Variants in NEDD4L observed in about 807,000 individuals in gnomAD.
The protein encoded by NEDD4L is E3 ubiquitin-protein ligase NEDD4-like.
A neutral mutation model predicts 148.9 loss-of-function variants in NEDD4L; 54 were observed. That is an observed-to-expected ratio of 0.36 (90% CI 0.29 to 0.45). NEDD4L has a LOEUF of 0.45. NEDD4L is among the 20% of genes least tolerant of loss of function. The probability of loss-of-function intolerance (pLI) is 1.00; values close to 1 mark genes in which losing one functional copy is unlikely to be tolerated. For missense variants in NEDD4L, 856 were observed against 1,233.8 expected, an observed-to-expected ratio of 0.69 and a Z score of 4.59; for synonymous variants, 433 against 440.7, an observed-to-expected ratio of 0.98 and a Z score of 0.22.
intron 3 of NEDD4L, among the ~76,000 whole-genome samples, chr18:58,246,188 G>A (rs1444150753): frequency 6.6e-6 from 1 of 152,064 alleles, no homozygotes; most frequent in East Asian, 1.9e-4. Context: ...GCAAAAACAA[G>A]GATTTGTTTT....
At chr18:58,144,747 G>A (rs2033923965) in intron 1 of NEDD4L, among the ~76,000 whole-genome samples, 1 of 152,218 alleles carries the variant, frequency 6.6e-6, no homozygotes, top group Non-Finnish European at 1.5e-5. Context: ...CACAGTTCAT[G>A]TTTTAGTGTG....
At chr18:58,358,734 A>C (rs1415468921) in intron 19 of NEDD4L, among the ~76,000 whole-genome samples, 3 of 152,156 alleles carry the variant, frequency 2.0e-5, no homozygotes, top group Non-Finnish European at 4.4e-5. Flanking sequence ...GGTAGTTATC[A>C]ACTTAGTGTA....
chr18:58,363,964 C>T (rs573809149), intron 19 of NEDD4L, among the ~76,000 whole-genome samples: 8 of 152,326 alleles, frequency 5.3e-5, no homozygotes, highest in Admixed American at 3.3e-4. Context: ...AACACCCTGA[C>T]TCATATTCTG....
At chr18:58,098,040 A>G (rs997025432) in intron 1 of NEDD4L, among the ~76,000 whole-genome samples, 5 of 152,200 alleles carry the variant, frequency 3.3e-5, no homozygotes, top group African/African-American at 1.2e-4. Flanking sequence ...AAATAGCAAC[A>G]AAAACAAAAA....
intron 1 of NEDD4L, among the ~76,000 whole-genome samples, chr18:58,095,164 C>G (rs1359391801): frequency 2.6e-5 from 4 of 152,226 alleles, no homozygotes; most frequent in Admixed American, 6.5e-5. Flanking sequence ...CCAACTCACT[C>G]CGATGTCACT....
chr18:58,124,051 G>T (rs566495023), intron 1 of NEDD4L, among the ~76,000 whole-genome samples: 2 of 152,266 alleles, frequency 1.3e-5, no homozygotes, highest in East Asian at 3.9e-4. Flanking sequence ...TGCCCCTGTT[G>T]TGCCTCACTC....
chr18:58,189,023 C>T (rs1209774647), intron 2 of NEDD4L, among the ~76,000 whole-genome samples: 6 of 152,046 alleles, frequency 3.9e-5, no homozygotes, highest in Non-Finnish European at 7.4e-5. Flanking sequence ...GGGCCCTCAC[C>T]GTGGGCTTTG....
At chr18:58,059,696 C>T (rs951657844) in intron 1 of NEDD4L, among the ~76,000 whole-genome samples, 2 of 152,178 alleles carry the variant, frequency 1.3e-5, no homozygotes, top group Non-Finnish European at 2.9e-5. Context: ...AACAAACTCA[C>T]CTCTTGTGGG....
rs187793609 is a variant in NEDD4L at position 58,401,088 on chromosome 18, A to G, written c.*4819A>G. On this transcript the variant is annotated 3_prime_UTR_variant, in exon 31 of 31. Transcript: ENST00000400345. ...AAGAAAACCCTAGGAAGATGATGTT[A>G]ATTTGCTGTCATTTCCTAATTCAGG... 1 of 152,286 alleles carries G rather than the reference A, an allele frequency of 6.6e-6. No homozygotes were observed. Among genetic ancestry groups the G allele is most frequent in the Non-Finnish European group, 1.5e-5 (1 of 68,024 alleles). 9.4% of individuals were successfully genotyped at this position (152,286 alleles called of 1,614,324 possible).
In NEDD4L at chr18:58,301,377, C is replaced by T. The variant is rs75400019; in HGVS notation, c.298-14605C>T. Among the ~76,000 whole-genome samples the T allele has an allele frequency of 2.2e-4, 33 of 152,286 alleles. 1 individual carries two copies. The East Asian group carries it at 6.0e-3, about 28-fold the overall frequency. On this transcript the variant is annotated intron_variant, in intron 5 of 30. Transcript: ENST00000400345. ...GGAAGGTTGAAAGTTATGTGGGAAT[C>T]ATCTATATAGTTTATAGCTGTGACT...
At chr18:58,386,284 C>T (rs2049010234) in intron 26 of NEDD4L, among the ~76,000 whole-genome samples, 3 of 152,230 alleles carry the variant, frequency 2.0e-5, no homozygotes, top group East Asian at 3.9e-4. Flanking sequence ...ATCTCCTGAC[C>T]TCATGATCCA....
At chr18:58,384,480 T>G (rs2146745197) in intron 25 of NEDD4L, among the ~76,000 whole-genome samples, 1 of 152,312 alleles carries the variant, frequency 6.6e-6, no homozygotes, top group South Asian at 2.1e-4. Context: ...AAGTACAGAC[T>G]GTGAGTGGGG....
At chr18:58,081,466 T>C (rs1040455014) in intron 1 of NEDD4L, among the ~76,000 whole-genome samples, 10 of 152,112 alleles carry the variant, frequency 6.6e-5, no homozygotes, top group South Asian at 2.1e-4. Flanking sequence ...CCACCCGCCT[T>C]GGCCTCCCAA....
At chr18:58,151,775 A>G (rs373207322) in intron 1 of NEDD4L, among the ~76,000 whole-genome samples, 2 of 152,084 alleles carry the variant, frequency 1.3e-5, no homozygotes, top group East Asian at 3.9e-4. Flanking sequence ...GTAGCTGTGT[A>G]AGAGGATGGG....
intron 19 of NEDD4L, among the ~76,000 whole-genome samples, chr18:58,359,450 T>C (rs4335844): frequency 2.0e-5 from 3 of 152,214 alleles, no homozygotes; most frequent in Admixed American, 2.0e-4. Context: ...TTGAATGCCA[T>C]TCTTCCCACT....
At chr18:58,073,898 G>A (rs1407738695) in intron 1 of NEDD4L, among the ~76,000 whole-genome samples, 2 of 152,200 alleles carry the variant, frequency 1.3e-5, no homozygotes, top group African/African-American at 2.4e-5. Flanking sequence ...ACAGTTAAGA[G>A]CGCATCCAGA....
intron 1 of NEDD4L, among the ~76,000 whole-genome samples, chr18:58,148,535 T>A (rs1012684709): frequency 2.0e-5 from 3 of 152,196 alleles, no homozygotes; most frequent in Non-Finnish European, 4.4e-5. Context: ...TCCCGAGGCC[T>A]CTGTTCTTGG....
At chr18:58,384,621 G>T (rs2048770043) in intron 25 of NEDD4L, among the ~76,000 whole-genome samples, 1 of 152,206 alleles carries the variant, frequency 6.6e-6, no homozygotes, top group Non-Finnish European at 1.5e-5. Context: ...GTCAGGGCCA[G>T]GCAGGGTTCC....
rs1276452443 is a variant in NEDD4L at position 58,397,487 on chromosome 18, GA to G, written c.*1219del. On this transcript the variant is annotated 3_prime_UTR_variant, in exon 31 of 31. Coordinates refer to ENST00000400345, the MANE Select transcript of NEDD4L (RefSeq NM_001144967.3). ...ACCTGGATGTAAAGCTGAGCCTACA[GA>G]CCTGTCCTCACCAACTGTTTTGTGA... 1 of 152,250 alleles carries G rather than the reference GA, an allele frequency of 6.6e-6. No homozygotes were observed. Among genetic ancestry groups the G allele is most frequent in the Non-Finnish European group, 1.5e-5 (1 of 68,042 alleles). The allele number at this position is 152,250 out of a possible 1,614,324, so 9.4% of individuals were successfully genotyped here.
Sources: allele counts gnomAD v4.1 joint callset (sites outside exome capture counted in the v4.1 genomes callset), GRCh38; gene constraint gnomAD v4.1.1; transcripts MANE v1.5; gene names NCBI Gene and HGNC (gene_info 2026-07-23, HGNC 2026-07-21).